Variants in CSMD1 observed in about 807,000 individuals in gnomAD.
CSMD1 encodes the protein CUB and Sushi multiple domains 1.
A neutral mutation model predicts 417.5 loss-of-function variants in CSMD1; 213 were observed. That is an observed-to-expected ratio of 0.51 (90% confidence interval 0.46 to 0.57). The LOEUF (loss-of-function observed/expected upper bound fraction) is 0.57. Among genes scored for constraint, CSMD1 ranks in the 20% least tolerant of loss-of-function variants. The pLI is 0.00. For missense variants in CSMD1, 6,923 were observed against 4,529.7 expected (o/e 1.53, Z -15.17); for synonymous variants, 2,862 against 1,736.8 (o/e 1.65, Z -16.11).
chr8:4,607,405 A>G (rs775274070), intron 2 of CSMD1, among the ~76,000 whole-genome samples: 17 of 152,196 alleles, frequency 1.1e-4, no homozygotes, highest in Non-Finnish European at 2.2e-4. Flanking sequence ...AGAAAATTGC[A>G]GGCAACAACT....
Position 3,307,657 on chromosome 8 carries a change from C to A in CSMD1, c.3950+38G>T, listed in dbSNP as rs755900241. 4 of 1,601,632 alleles carry A rather than the reference C, an allele frequency of 2.5e-6. No homozygotes were observed. In the African/African-American group the frequency reaches 5.4e-5, roughly 21 times the overall value. Reference sequence around the variant, plus strand: ...TGCTACAAGAATAGAAGGCATATCTCTTTTCTCAAATCACTGAAACCAAAA... The same window carrying A: ...TGCTACAAGAATAGAAGGCATATCTATTTTCTCAAATCACTGAAACCAAAA... On this transcript the variant is annotated intron_variant, in intron 25 of 69. Transcript: ENST00000635120.
chr8:4,503,377 G>C (rs895999926), intron 2 of CSMD1, among the ~76,000 whole-genome samples: 2 of 152,052 alleles, frequency 1.3e-5, no homozygotes, highest in Admixed American at 6.6e-5. Context: ...CTCAACTTTT[G>C]CTCAACTGTT....
chr8:4,251,810 C>CAGATGGAGGAGGAG (rs1803100225), intron 3 of CSMD1, among the ~76,000 whole-genome samples: 2 of 143,588 alleles, frequency 1.4e-5, no homozygotes, highest in African/African-American at 2.6e-5. Context: ...TGGAGAAGGA[C>CAGATGGAGGAGGAG]AGATGGAGGA....
At chr8:3,828,049 C>G (rs1446308492) in intron 5 of CSMD1, among the ~76,000 whole-genome samples, 1 of 152,200 alleles carries the variant, frequency 6.6e-6, no homozygotes, top group Non-Finnish European at 1.5e-5. Context: ...ATATACTCCA[C>G]TTCAATGAGC....
chr8:3,677,283 G>A (rs56196548), intron 7 of CSMD1, among the ~76,000 whole-genome samples: 1 of 152,080 alleles, frequency 6.6e-6, no homozygotes, highest in African/African-American at 2.4e-5. Context: ...GGAAAGTTAT[G>A]GTTCCAACTA....
intron 11 of CSMD1, among the ~76,000 whole-genome samples, chr8:3,480,487 G>C (rs768420558): frequency 6.6e-6 from 1 of 152,080 alleles, no homozygotes; most frequent in Non-Finnish European, 1.5e-5. Context: ...AATTCCAAAA[G>C]GAGACGAGCT....
chr8:3,029,496 T>C lies in CSMD1; in HGVS notation c.7678A>G (p.Ile2560Val), dbSNP rs1387907143. 7 of 1,600,240 alleles carry C rather than the reference T, an allele frequency of 4.4e-6. No homozygotes were observed. Among genetic ancestry groups the C allele is most frequent in the Non-Finnish European group, 5.1e-6 (6 of 1,173,306 alleles). ...PTCKPVACPSIEAQLSEHVIW... is the reference protein window; with the variant it reads ...PTCKPVACPSVEAQLSEHVIW... Reference sequence around the variant, plus strand: ...ACATGTTCTGAGAGCTGAGCTTCAATGCTGGGGCAAGCGACCGCTGGAAGG... The same window carrying C: ...ACATGTTCTGAGAGCTGAGCTTCAACGCTGGGGCAAGCGACCGCTGGAAGG... The change falls in exon 51 of 70, where the codon ATT becomes GTT. Residue 2560 changes from isoleucine (I) to valine (V), a missense_variant. Transcript: ENST00000635120.
At chr8:4,510,390 TAA>T (rs34791623) in intron 2 of CSMD1, among the ~76,000 whole-genome samples, 125 of 54,604 alleles carry the variant, frequency 2.3e-3, no homozygotes, top group Middle Eastern at 0.019. Context: ...GCATAATGCC[TAA>T]AAAAAAAAAA....
chr8:3,685,558 G>A (rs1563271580), intron 7 of CSMD1, among the ~76,000 whole-genome samples: 1 of 152,050 alleles, frequency 6.6e-6, no homozygotes, highest in Non-Finnish European at 1.5e-5. Flanking sequence ...ATGTAACAAC[G>A]GGTTACAAAA....
intron 5 of CSMD1, among the ~76,000 whole-genome samples, chr8:3,767,990 G>A (rs1483403609): frequency 1.3e-5 from 2 of 152,218 alleles, no homozygotes; most frequent in South Asian, 2.1e-4. Flanking sequence ...TATTTCATAT[G>A]TCTTTGCAGT....
intron 3 of CSMD1, among the ~76,000 whole-genome samples, chr8:4,298,750 T>C (rs1288385787): frequency 6.6e-6 from 1 of 152,122 alleles, no homozygotes; most frequent in Non-Finnish European, 1.5e-5. Flanking sequence ...AAATTAATGT[T>C]AAAGTGATAT....
chr8:4,953,145 A>C (rs549179344), intron 1 of CSMD1, among the ~76,000 whole-genome samples: 1 of 152,320 alleles, frequency 6.6e-6, no homozygotes, highest in South Asian at 2.1e-4. Context: ...ACTGAATTTA[A>C]TTCTCAAGGT....
At chr8:4,498,481 T>A (rs956408215) in intron 2 of CSMD1, among the ~76,000 whole-genome samples, 2 of 152,226 alleles carry the variant, frequency 1.3e-5, no homozygotes, top group Non-Finnish European at 2.9e-5. Context: ...TAGTTCAAAC[T>A]TTTAATTTTA....
intron 18 of CSMD1, among the ~76,000 whole-genome samples, chr8:3,376,249 G>T (rs1298161567): frequency 1.3e-5 from 2 of 151,784 alleles, no homozygotes; most frequent in Non-Finnish European, 2.9e-5. Flanking sequence ...GAAATATTAA[G>T]AAATAAAGAG....
rs1374421652 is a variant in CSMD1 at position 3,320,201 on chromosome 8, G to A, written c.3632-11698C>T. ...ATGACGATTATAAGAGTCCAACTAA[G>A]CAGTGGGGCCCGTGGCCCTGGCACT... On this transcript the variant is annotated intron_variant, in intron 23 of 69. Transcript: ENST00000635120. Among the ~76,000 whole-genome samples the A allele has an allele frequency of 3.9e-5, 6 of 152,292 alleles. No individual in the cohort carries two copies. The East Asian group carries it at 1.2e-3, about 29-fold the overall frequency.
At chr8:4,933,170 T>C (rs1280870908) in intron 1 of CSMD1, among the ~76,000 whole-genome samples, 1 of 152,142 alleles carries the variant, frequency 6.6e-6, no homozygotes. Context: ...TTTTCTTTCT[T>C]CCCCTTCCTT....
intron 1 of CSMD1, among the ~76,000 whole-genome samples, chr8:4,761,208 G>A (rs1190821547): frequency 1.3e-5 from 2 of 152,166 alleles, no homozygotes; most frequent in East Asian, 1.9e-4. Flanking sequence ...GTGTCTACCA[G>A]AGTAGCCAGG....
At chr8:4,024,417 T>A (rs1163378434) in intron 4 of CSMD1, among the ~76,000 whole-genome samples, 1 of 152,196 alleles carries the variant, frequency 6.6e-6, no homozygotes. Flanking sequence ...AAAACTTTAT[T>A]ATTAAACTCT....
chr8:4,105,593 G>C (rs909157017), intron 3 of CSMD1, among the ~76,000 whole-genome samples: 1 of 152,150 alleles, frequency 6.6e-6, no homozygotes, highest in African/African-American at 2.4e-5. Flanking sequence ...TAGGTGATGA[G>C]GGCTACAGCA....
Sources: gnomAD v4.1 joint callset for allele counts (sites outside exome capture counted in the v4.1 genomes callset) on GRCh38, gnomAD v4.1.1 for gene constraint, MANE v1.5 for transcripts, NCBI Gene and HGNC (gene_info 2026-07-23, HGNC 2026-07-21) for gene names.